The following DDX24 variants were observed in gnomAD, a reference collection of about 807,000 sequenced individuals.
DDX24 encodes the protein DEAD-box helicase 24, also known as ATP-dependent RNA helicase DDX24.
In DDX24, 24 loss-of-function variants were observed where a neutral mutation model predicts 68.9. That is an observed-to-expected ratio of 0.35 (90% CI 0.25 to 0.49). The LOEUF (loss-of-function observed/expected upper bound fraction) is 0.49, where lower values mean the gene tolerates loss of function less well. Ranked by LOEUF, DDX24 falls within the 20% of genes least tolerant of loss-of-function variation. The pLI, the probability that DDX24 is intolerant of heterozygous loss-of-function variation, is 0.99. For missense variants in DDX24, 989 were observed against 1,039.0 expected, an observed-to-expected ratio of 0.95 and a Z score of 0.66; for synonymous variants, 395 against 385.2, an observed-to-expected ratio of 1.03 and a Z score of -0.30.
intron 5 of DDX24, 61 bp downstream of exon 5, chr14:94,060,037 T>G: frequency 1.3e-6 from 2 of 1,530,910 alleles, no homozygotes; most frequent in Non-Finnish European, 8.8e-7. Flanking sequence ...CCCACCATCC[T>G]GACCCCTTTT....
intron 2 of DDX24, among the ~76,000 whole-genome samples, chr14:94,075,591 G>A (rs1377856605): frequency 6.6e-6 from 1 of 152,118 alleles, no homozygotes; most frequent in Non-Finnish European, 1.5e-5. Flanking sequence ...TCTTGAATTA[G>A]GCAAAAGGTT....
At position 94,079,334 on chromosome 14, in the gene DDX24, G is replaced by A. The variant is rs1448635179; in HGVS notation, c.409C>T (p.Pro137Ser). ...TCTGATGTCATCTCCCCAGCCTCCGGATCATCACAAACCATGTCATCTCCC... is the reference window on the plus strand; with the variant it reads ...TCTGATGTCATCTCCCCAGCCTCCGAATCATCACAAACCATGTCATCTCCC... ...AQGDDMVCDD[P>S]EAGEMTSENL... The change falls in exon 2 of 9, where the codon CCG (proline) becomes TCG (serine). Residue 137 changes from proline (P) to serine (S), a missense_variant. By Grantham distance (74) the Pro-to-Ser change is moderately conservative. This residue lies in a region of DDX24 where 295 missense variants were observed against 263.0 expected (regional missense o/e 1.12). Transcript: ENST00000621632. The A allele has an allele frequency of 6.2e-7, 1 of 1,613,980 alleles. No individual in the cohort carries two copies. The highest frequency in any genetic ancestry group is 1.1e-5 in the South Asian group (1 of 91,070).
In DDX24 at chr14:94,060,158, T is replaced by G; in HGVS notation, c.1853A>C (p.His618Pro). The G allele has an allele frequency of 6.2e-7, 1 of 1,614,194 alleles. No homozygotes were observed. The highest frequency in any genetic ancestry group is 8.5e-7 in the Non-Finnish European group (1 of 1,180,030). Residue 618 changes from histidine (H) to proline (P), a missense_variant, in exon 5 of 9, where the codon CAT (histidine) becomes CCT (proline). Around this residue, in one of 3 missense-constraint regions of DDX24, gnomAD observed 691 missense variants for 760.0 expected, o/e 0.91. Transcript: ENST00000621632. ...KVLDIMPLTLHACMHQKQRLR... is the reference protein window; with the variant it reads ...KVLDIMPLTLPACMHQKQRLR... ...CCTCTGCTTCTGGTGCATACAGGCA[T>G]GCAGGGTCAAGGGCATGATATCAAG...
At chr14:94,058,833 A>G (rs1340043857) in intron 5 of DDX24, among the ~76,000 whole-genome samples, 1 of 152,250 alleles carries the variant, frequency 6.6e-6, no homozygotes, top group Non-Finnish European at 1.5e-5. Context: ...GAGCATTTCC[A>G]GCTTTGTGAA....
rs193029502 is a variant in DDX24 at position 94,048,401 on chromosome 14, A to G, written c.*2790T>C. On this transcript the variant is annotated 3_prime_UTR_variant, in exon 9 of 9. Coordinates refer to ENST00000621632, the MANE Select transcript of DDX24 (RefSeq NM_020414.4). ...AGTCCCTGCTTTTGACTGGGTTCCT[A>G]TTTTAAGCACAAATGAGAGCTCTGG... The G allele has an allele frequency of 2.6e-4, 39 of 152,336 alleles. No homozygotes were observed. Among genetic ancestry groups the G allele is most frequent in the Admixed American group, 2.2e-3 (33 of 15,306 alleles). The allele number at this position is 152,336 out of a possible 1,614,324, so 9.4% of individuals were successfully genotyped here.
intron 3 of DDX24, among the ~76,000 whole-genome samples, chr14:94,061,455 G>C (rs895656169): frequency 6.6e-6 from 1 of 152,148 alleles, no homozygotes; most frequent in African/African-American, 2.4e-5. Flanking sequence ...CCCTCAGTTA[G>C]AATTATTCTG....
chr14:94,054,228 CCTTA>C (rs1440536942), intron 7 of DDX24, among the ~76,000 whole-genome samples: 7 of 152,192 alleles, frequency 4.6e-5, no homozygotes, highest in Admixed American at 2.0e-4. Flanking sequence ...TCCTAATCCT[CCTTA>C]CTAATGGGAA....
rs1595374921 is a variant in DDX24 at position 94,060,274 on chromosome 14, C to T, written c.1737G>A (p.Leu579=). 3 of 1,614,198 alleles carry T rather than the reference C, an allele frequency of 1.9e-6. No individual in the cohort carries two copies. The highest frequency in any genetic ancestry group is 1.7e-6 in the Non-Finnish European group (2 of 1,180,044). The change falls in exon 5 of 9, where the codon TTG becomes TTA. Residue 579 remains leucine, a synonymous_variant. Transcript: ENST00000621632. ...HCETDEKDFY[L]YYFLMQYPGR... ...CTGGATACTGCATCAGGAAGTAGTA[C>T]AAGTAGAAGTCTTTCTCATCAGTCT... is the stretch of plus-strand genomic sequence containing the variant.
chr14:94,063,229 T>C (rs1885633026), intron 2 of DDX24, among the ~76,000 whole-genome samples: 1 of 152,060 alleles, frequency 6.6e-6, no homozygotes, highest in Admixed American at 6.5e-5. Flanking sequence ...ATTTTCACAA[T>C]TTTCAAAGGA....
intron 7 of DDX24, 86 bp downstream of exon 7, chr14:94,054,910 T>C: frequency 6.9e-7 from 1 of 1,447,446 alleles, no homozygotes; most frequent in South Asian, 1.3e-5. Flanking sequence ...TTTCAAGGGT[T>C]ATGCTGCCAG....
At chr14:94,061,362 A>G (rs1214956046) in intron 3 of DDX24, among the ~76,000 whole-genome samples, 1 of 152,166 alleles carries the variant, frequency 6.6e-6, no homozygotes, top group Non-Finnish European at 1.5e-5. Context: ...AAGCTCTGGG[A>G]AAACGGAGCA....
Position 94,079,408 on chromosome 14 carries a change from G to A in DDX24, c.335C>T (p.Thr112Ile), listed in dbSNP as rs1367887699. 1 of 1,613,996 alleles carries A rather than the reference G, an allele frequency of 6.2e-7. No homozygotes were observed. Among genetic ancestry groups the A allele is most frequent in the Admixed American group, 1.7e-5 (1 of 60,014 alleles). The change falls in exon 2 of 9, where the codon ACC becomes ATC. Residue 112 changes from threonine (T) to isoleucine (I), a missense_variant. This residue lies in a region of DDX24 where 295 missense variants were observed against 263.0 expected (regional missense o/e 1.12). Transcript: ENST00000621632. ...CACTTCAAATTCTTTCTGGGTACTG[G>A]TTCCTTCAGTTGCTACATTTTTACT... is the stretch of plus-strand genomic sequence containing the variant. ...KKSKNVATEG[T>I]STQKEFEVKD...
chr14:94,080,401 T>A (rs1378666818), intron 1 of DDX24, among the ~76,000 whole-genome samples: 2 of 152,138 alleles, frequency 1.3e-5, no homozygotes, highest in African/African-American at 4.8e-5. Flanking sequence ...CGATCCAGGT[T>A]TTTCCTTTTC....
chr14:94,051,303 G>A lies in DDX24; in HGVS notation c.2468C>T (p.Pro823Leu). The change falls in exon 9 of 9, where the codon CCA becomes CTA. Residue 823 changes from proline (P) to leucine (L), a missense_variant. Transcript: ENST00000621632. The part of the protein sequence containing the change: ...SGKPPLLVSA[P>L]SKSESALSCL... ...GCTCAAAGCAGACTCGCTCTTACTTGGGGCAGACACAAGCAGGGGCGGCTT... is the reference window on the plus strand; with the variant it reads ...GCTCAAAGCAGACTCGCTCTTACTTAGGGCAGACACAAGCAGGGGCGGCTT... The A allele has an allele frequency of 6.2e-7, 1 of 1,612,922 alleles. No individual in the cohort carries two copies. The highest frequency in any genetic ancestry group is 8.5e-7 in the Non-Finnish European group (1 of 1,179,754).
At chr14:94,078,772 G>A (rs1252330987) in intron 2 of DDX24, among the ~76,000 whole-genome samples, 2 of 152,222 alleles carry the variant, frequency 1.3e-5, no homozygotes, top group South Asian at 2.1e-4. Flanking sequence ...AGCAATGCAA[G>A]AGGTAGAAAC....
intron 2 of DDX24, among the ~76,000 whole-genome samples, chr14:94,066,637 C>G (rs1885711117): frequency 6.6e-6 from 1 of 152,292 alleles, no homozygotes; most frequent in African/African-American, 2.4e-5. Flanking sequence ...GGCTGAGAGC[C>G]CCATAGACGG....
chr14:94,077,723 CTA>C (rs1251614054), intron 2 of DDX24, among the ~76,000 whole-genome samples: 18 of 152,186 alleles, frequency 1.2e-4, no homozygotes, highest in African/African-American at 3.6e-4. Context: ...ACTCTTCCAT[CTA>C]TATGACTGCC....
At position 94,060,245 on chromosome 14, in the gene DDX24, C is replaced by A; in HGVS notation, c.1766G>T (p.Arg589Leu). 1.2e-6 allele frequency: 2 copies of A among 1,614,194 alleles called. No individual in the cohort carries two copies. The highest frequency in any genetic ancestry group is 1.7e-6 in the Non-Finnish European group (2 of 1,180,038). The part of the protein sequence containing the change: ...LYYFLMQYPG[R>L]SLVFANSISC... ...GATACTGTTGGCAAACACTAAGCTG[C>A]GGCCTGGATACTGCATCAGGAAGTA... is the stretch of plus-strand genomic sequence containing the variant. The change falls in exon 5 of 9, where the codon CGC becomes CTC. Residue 589 changes from arginine (R) to leucine (L), a missense_variant. Physicochemically the swap from Arg to Leu is moderately radical, Grantham distance 102. Transcript: ENST00000621632.
chr14:94,066,853 C>T (rs763012018), intron 2 of DDX24, among the ~76,000 whole-genome samples: 1 of 152,162 alleles, frequency 6.6e-6, no homozygotes, highest in African/African-American at 2.4e-5. Flanking sequence ...AGCCCTAGAC[C>T]TTCCCTCTGA....
Sources: allele counts gnomAD v4.1 joint callset (sites outside exome capture counted in the v4.1 genomes callset), GRCh38; gene constraint gnomAD v4.1.1; regional missense constraint gnomAD v4.1.1; transcripts MANE v1.5; gene names NCBI Gene and HGNC (gene_info 2026-07-23, HGNC 2026-07-21).